LRRC3B: variants seen among roughly 807,000 people sequenced by gnomAD.
LRRC3B encodes the protein leucine-rich repeat-containing protein 3B.
A neutral mutation model predicts 12.8 loss-of-function variants in LRRC3B; 2 were observed. The ratio of observed to expected loss-of-function variants is 0.16; its 90% confidence interval spans 0.06 to 0.49. The LOEUF (loss-of-function observed/expected upper bound fraction) is 0.49, where lower values mean the gene tolerates loss of function less well. Among genes scored for constraint, LRRC3B ranks in the 20% least tolerant of loss-of-function variants. The pLI, the probability that LRRC3B is intolerant of heterozygous loss-of-function variation, is 0.96. For missense variants in LRRC3B, 189 were observed against 319.4 expected (o/e 0.59, Z 3.11); for synonymous variants, 132 against 122.0 (o/e 1.08, Z -0.54).
chr3:26,710,278 C>T (rs925260198), exon 2 of LRRC3B: 20 of 1,613,774 alleles, frequency 1.2e-5, no homozygotes, highest in African/African-American at 6.7e-5. Context: ...AAAAAACTAC[C>T]GATTATGCCA....
At chr3:26,624,600 G>C (rs766295018) in intron 1 of LRRC3B, 7 of 152,822 alleles carry the variant, frequency 4.6e-5, no homozygotes, top group South Asian at 2.1e-4. Flanking sequence ...TGGGCGGAGC[G>C]AGGGAGTGGG....
At chr3:26,688,563 G>A (rs1700131462) in intron 1 of LRRC3B, among the ~76,000 whole-genome samples, 1 of 152,178 alleles carries the variant, frequency 6.6e-6, no homozygotes, top group South Asian at 2.1e-4. Context: ...ATGGCACAAA[G>A]CAAAGGGGAA....
chr3:26,669,931 C>A (rs555455293), intron 1 of LRRC3B, among the ~76,000 whole-genome samples: 1 of 152,324 alleles, frequency 6.6e-6, no homozygotes, highest in Non-Finnish European at 1.5e-5. Context: ...TTATCCACAC[C>A]ATTACATTCC....
At chr3:26,653,232 TTAG>T (rs1699302194) in intron 1 of LRRC3B, among the ~76,000 whole-genome samples, 1 of 151,978 alleles carries the variant, frequency 6.6e-6, no homozygotes, top group Non-Finnish European at 1.5e-5. Flanking sequence ...GGAAAAAATA[TTAG>T]TAGGAATTAA....
At chr3:26,635,275 C>G (rs1559349529) in intron 1 of LRRC3B, among the ~76,000 whole-genome samples, 1 of 152,152 alleles carries the variant, frequency 6.6e-6, no homozygotes, top group Non-Finnish European at 1.5e-5. Flanking sequence ...TTCCTCTCCT[C>G]TGAGGTGGAT....
chr3:26,671,931 T>C (rs1699757538), intron 1 of LRRC3B, among the ~76,000 whole-genome samples: 2 of 152,214 alleles, frequency 1.3e-5, no homozygotes, highest in African/African-American at 4.8e-5. Flanking sequence ...TGTTGTCGCT[T>C]TTGAACACAA....
Position 26,662,025 on chromosome 3 carries a change from C to T in LRRC3B, c.-161+38788C>T, listed in dbSNP as rs1322119478. On this transcript the variant is annotated intron_variant, in intron 1 of 1. Transcript: ENST00000396641. ...GTGTTCTGGGGCTCCTCTGAGAAAT[C>T]TTGTTGTCCTTAACATATCACCCCA... Among the ~76,000 whole-genome samples, 8 of 152,156 alleles carry T rather than the reference C, an allele frequency of 5.3e-5. No homozygotes were observed. The South Asian group carries it at 1.7e-3, about 32-fold the overall frequency.
In LRRC3B at chr3:26,689,461, G is replaced by A. The variant is rs142834032; in HGVS notation, c.-160-20052G>A. Among the ~76,000 whole-genome samples the A allele has an allele frequency of 1.3e-3, 195 of 152,212 alleles. 1 individual carries two copies. Among genetic ancestry groups the A allele is most frequent in the Middle Eastern group, 0.01 (3 of 294 alleles). ...GTGGCCATCCCTGGGTGGCTTTCCC[G>A]GAGAACAGAGGTGTCATCCTCTTCA... On this transcript the variant is annotated intron_variant, in intron 1 of 1. Transcript: ENST00000396641.
chr3:26,667,705 T>C (rs1699636254), intron 1 of LRRC3B, among the ~76,000 whole-genome samples: 1 of 152,168 alleles, frequency 6.6e-6, no homozygotes, highest in Non-Finnish European at 1.5e-5. Flanking sequence ...TTATATCTCA[T>C]TGGACAAAAC....
chr3:26,657,638 G>T (rs908833710), intron 1 of LRRC3B, among the ~76,000 whole-genome samples: 1 of 152,038 alleles, frequency 6.6e-6, no homozygotes, highest in African/African-American at 2.4e-5. Flanking sequence ...GAATTAGAGT[G>T]ATTGATTATT....
chr3:26,667,562 T>G (rs763120688), intron 1 of LRRC3B, among the ~76,000 whole-genome samples: 2 of 152,142 alleles, frequency 1.3e-5, no homozygotes, highest in Non-Finnish European at 2.9e-5. Flanking sequence ...CCCCACCCAG[T>G]CTTCTGACCT....
intron 1 of LRRC3B, among the ~76,000 whole-genome samples, chr3:26,655,745 C>T (rs1228271246): frequency 6.6e-6 from 1 of 152,104 alleles, no homozygotes; most frequent in Non-Finnish European, 1.5e-5. Flanking sequence ...GTCATGGTGA[C>T]AGAAATGCTC....
At chr3:26,634,893 T>C (rs1385789098) in intron 1 of LRRC3B, among the ~76,000 whole-genome samples, 1 of 152,214 alleles carries the variant, frequency 6.6e-6, no homozygotes, top group African/African-American at 2.4e-5. Context: ...TAATTGCAGC[T>C]TTGCAAAAAC....
intron 1 of LRRC3B, among the ~76,000 whole-genome samples, chr3:26,683,468 G>C (rs959513912): frequency 6.6e-6 from 1 of 152,128 alleles, no homozygotes; most frequent in African/African-American, 2.4e-5. Context: ...ATAAACAAGG[G>C]GGTTGGAAAA....
In LRRC3B at chr3:26,651,837, C is replaced by T. The variant is rs541319120; in HGVS notation, c.-161+28600C>T. ...CCTGTAAGCCTAATTCAGAAGGTTA[C>T]CTTATAATAAAAATGGACATATATT... is the stretch of plus-strand genomic sequence containing the variant. On this transcript the variant is annotated intron_variant, in intron 1 of 1. Coordinates refer to ENST00000396641, the Ensembl canonical transcript of LRRC3B. 1.1e-4 allele frequency among the ~76,000 whole-genome samples: 17 copies of T among 152,258 alleles called. No homozygotes were observed. In the East Asian group the frequency reaches 2.9e-3, roughly 26 times the overall value.
Position 26,646,110 on chromosome 3 carries a change from A to G in LRRC3B, c.-161+22873A>G, listed in dbSNP as rs150006355. Among the ~76,000 whole-genome samples the G allele has an allele frequency of 2.6e-5, 4 of 152,340 alleles. No homozygotes were observed. In the East Asian group the frequency reaches 7.7e-4, roughly 29 times the overall value. On this transcript the variant is annotated intron_variant, in intron 1 of 1. Transcript: ENST00000396641. Reference sequence around the variant, plus strand: ...TATCGTTCATAATGTAGGCCACCTCATCTTTATGATAAACTTTCAAAGAAG... The same window carrying G: ...TATCGTTCATAATGTAGGCCACCTCGTCTTTATGATAAACTTTCAAAGAAG...
chr3:26,685,517 CTCTCTCTATATATATATATATATA>C (rs1433960435), intron 1 of LRRC3B, among the ~76,000 whole-genome samples: 27 of 53,546 alleles, frequency 5.0e-4, no homozygotes, highest in Admixed American at 7.8e-4. Flanking sequence ...CTCTCTCTCT[CTCTCTCTATATATATATATATATA>C]TATATATATA....
At chr3:26,691,103 G>GTATATA (rs1298635555) in intron 1 of LRRC3B, among the ~76,000 whole-genome samples, 46 of 44,950 alleles carry the variant, frequency 1.0e-3, no homozygotes, top group Middle Eastern at 0.02. Context: ...GTGTGTGTGT[G>GTATATA]TGTATATATA....
At chr3:26,680,055 C>T (rs1479512898) in intron 1 of LRRC3B, among the ~76,000 whole-genome samples, 1 of 152,178 alleles carries the variant, frequency 6.6e-6, no homozygotes, top group African/African-American at 2.4e-5. Context: ...CAACAAATTT[C>T]CCAGATCTTG....
Sources: gnomAD v4.1 joint callset for allele counts (sites outside exome capture counted in the v4.1 genomes callset) on GRCh38, gnomAD v4.1.1 for gene constraint, MANE v1.5 for transcripts, NCBI Gene and HGNC (gene_info 2026-07-23, HGNC 2026-07-21) for gene names.